The following CIP2A variants were observed in gnomAD, a reference collection of about 807,000 sequenced individuals.
CIP2A encodes the protein cellular inhibitor of PP2A, also known as protein CIP2A.
CIP2A carries 103 observed loss-of-function variants against 110.9 expected under a neutral mutation model. The ratio of observed to expected loss-of-function variants is 0.93; its 90% CI spans 0.79 to 1.09. The LOEUF (loss-of-function observed/expected upper bound fraction) is 1.09. Among genes scored for constraint, CIP2A ranks in the 50% least tolerant of loss-of-function variants. The pLI is 0.00. For missense variants in CIP2A, 1,088 were observed against 1,038.4 expected, an observed-to-expected ratio of 1.05 and a Z score of -0.66; for synonymous variants, 381 against 361.6, an observed-to-expected ratio of 1.05 and a Z score of -0.61.
chr3:108,559,704 G>T, intron 16 of CIP2A, 53 bp downstream of exon 16: 1 of 1,038,446 alleles, frequency 9.6e-7, no homozygotes, highest in Non-Finnish European at 1.4e-6. Flanking sequence ...TATTTTGCAT[G>T]TTTTACTTAT....
intron 19 of CIP2A, 113 bp downstream of exon 19, chr3:108,553,535 A>G: frequency 1.1e-6 from 1 of 927,772 alleles, no homozygotes; most frequent in Non-Finnish European, 1.6e-6. Context: ...CATTCCAAAT[A>G]TGATTTAAAG....
chr3:108,579,358 G>A lies in CIP2A; in HGVS notation c.741C>T (p.Gly247=), dbSNP rs1038909687. 1 of 1,602,994 alleles carries A rather than the reference G, an allele frequency of 6.2e-7. No individual in the cohort carries two copies. Among genetic ancestry groups the A allele is most frequent in the South Asian group, 1.1e-5 (1 of 90,754 alleles). The change falls in exon 7 of 21, where the codon GGC becomes GGT. Residue 247 remains glycine, a synonymous_variant. Transcript: ENST00000295746. ...LIFNILINGD[G]TLTRKYSVDL... ...CAACTGAATACTTTCTAGTTAGAGT[G>A]CCATCACCGTTTATGAGAATATTAA...
chr3:108,553,680 TTCTGTACTTCTTTTC>T lies in CIP2A; in HGVS notation c.2360_2374del (p.Arg787_Gln791del). ...CTTATGTTCTCTGTCTACTAGCTGA[TTCTGTACTTCTTTTC>T]TCTGTTCTTCTTTCTCTATTAATTG... On this transcript the variant is annotated inframe_deletion, in exon 19 of 21. Transcript: ENST00000295746. The T allele has an allele frequency of 6.6e-7, 1 of 1,514,840 alleles. No homozygotes were observed. The highest frequency in any genetic ancestry group is 9.2e-7 in the Non-Finnish European group (1 of 1,091,684). 93.8% of individuals were successfully genotyped at this position (1,514,840 alleles called of 1,614,324 possible). A position where few individuals can be genotyped will look rare whatever the true frequency, so the allele number is the denominator to read the frequency against.
intron 8 of CIP2A, among the ~76,000 whole-genome samples, chr3:108,575,903 C>CGTATATATACACATATACATGAGT (rs1559699776): frequency 1.5e-5 from 2 of 131,148 alleles, no homozygotes; most frequent in African/African-American, 6.0e-5. Flanking sequence ...AGTATATATA[C>CGTATATATACACATATACATGAGT]ATATATACAT....
Position 108,569,424 on chromosome 3 carries a change from C to G in CIP2A, c.1078G>C (p.Val360Leu), listed in dbSNP as rs768546604. ...QPLDGSENCS[V>L]LALELFKEIF... The stretch of plus-strand genomic sequence containing the variant: ...TCCTTGAACAACTCCAATGCTAAAA[C>G]AGAACAGTTTTCTGATCCGTCCAAA... The change falls in exon 9 of 21, where the codon GTT (valine) becomes CTT (leucine). Residue 360 changes from valine (V) to leucine (L), a missense_variant. Coordinates refer to ENST00000295746, the MANE Select transcript of CIP2A (RefSeq NM_020890.3). The G allele has an allele frequency of 6.2e-7, 1 of 1,612,304 alleles. No homozygotes were observed. Among genetic ancestry groups the G allele is most frequent in the Non-Finnish European group, 8.5e-7 (1 of 1,179,118 alleles).
intron 1 of CIP2A, among the ~76,000 whole-genome samples, chr3:108,586,608 G>A (rs1227089712): frequency 1.3e-5 from 2 of 152,052 alleles, no homozygotes; most frequent in Non-Finnish European, 2.9e-5. Context: ...ATCGATCTAG[G>A]CACTTTACAT....
chr3:108,568,039 T>C (rs1364700059), intron 10 of CIP2A, 116 bp downstream of exon 10: 1 of 721,946 alleles, frequency 1.4e-6, no homozygotes, highest in Non-Finnish European at 2.1e-6. Flanking sequence ...TAATTCTAGA[T>C]AAATATGAGC....
rs1937711042 is a variant in CIP2A, at chr3:108,554,416, CTG to C, written c.2282_2283del (p.Thr761SerfsTer6). 6.4e-7 allele frequency: 1 copy of C among 1,559,046 alleles called. No homozygotes were observed. Among genetic ancestry groups the C allele is most frequent in the Non-Finnish European group, 8.8e-7 (1 of 1,135,086 alleles). ...TCDSLNKQIE[T>X]VKKLNESLKE... ...TTGAGTGACTCATTCAACTTTTTCA[CTG>C]TCTCAATTTGTTTATTCAGAGAATC... is the stretch of plus-strand genomic sequence containing the variant. On this transcript the variant is annotated frameshift_variant, in exon 18 of 21. Transcript: ENST00000295746. LOFTEE classifies it high-confidence loss of function.
At chr3:108,559,181 A>G (rs551092739) in intron 16 of CIP2A, among the ~76,000 whole-genome samples, 2 of 152,300 alleles carry the variant, frequency 1.3e-5, no homozygotes, top group East Asian at 1.9e-4. Context: ...ATAGGGCAGA[A>G]AAGAGTAATA....
Position 108,569,426 on chromosome 3 carries a change from G to T in CIP2A, c.1076C>A (p.Ser359Tyr). ...CTTGAACAACTCCAATGCTAAAACA[G>T]AACAGTTTTCTGATCCGTCCAAAGG... The part of the protein sequence containing the change: ...SQPLDGSENC[S>Y]VLALELFKEI... The change falls in exon 9 of 21, where the codon TCT becomes TAT. Residue 359 changes from serine to tyrosine, a missense_variant. Coordinates refer to ENST00000295746, the MANE Select transcript of CIP2A (RefSeq NM_020890.3). The T allele has an allele frequency of 3.1e-6, 5 of 1,612,386 alleles. No homozygotes were observed. The highest frequency in any genetic ancestry group is 4.2e-6 in the Non-Finnish European group (5 of 1,179,100).
chr3:108,569,181 T>TATATATACAC, intron 9 of CIP2A, among the ~76,000 whole-genome samples: 1 of 58,272 alleles, frequency 1.7e-5, no homozygotes. Flanking sequence ...TATATATATA[T>TATATATACAC]ACATACACAC....
chr3:108,588,181 T>A (rs1235626578), intron 1 of CIP2A, among the ~76,000 whole-genome samples: 1 of 152,242 alleles, frequency 6.6e-6, no homozygotes, highest in African/African-American at 2.4e-5. Context: ...CGGACTGCCC[T>A]GCTTATTCTG....
intron 13 of CIP2A, among the ~76,000 whole-genome samples, chr3:108,561,652 G>A (rs1290031672): frequency 2.0e-5 from 3 of 152,174 alleles, no homozygotes; most frequent in Non-Finnish European, 2.9e-5. Context: ...CTGGGTGATA[G>A]AGTGAGACCC....
At chr3:108,569,650 C>A in intron 8 of CIP2A, 43 bp from the exon 9 acceptor site, 1 of 1,402,074 alleles carries the variant, frequency 7.1e-7, no homozygotes, top group Non-Finnish European at 1.0e-6. Flanking sequence ...TTTCACAGAA[C>A]TTTAATATAC....
chr3:108,552,481 A>C (rs544943923), intron 19 of CIP2A, 108 bp from the exon 20 acceptor site: 196 of 581,364 alleles, frequency 3.4e-4, no homozygotes, highest in Non-Finnish European at 4.7e-4. Flanking sequence ...TAGAACAAGG[A>C]AGAGAAACTT....
At position 108,576,315 on chromosome 3, in the gene CIP2A, C is replaced by T. The variant is rs546027952; in HGVS notation, c.850G>A (p.Val284Ile). The change falls in exon 8 of 21, where the codon GTA (valine) becomes ATA (isoleucine). Residue 284 changes from valine (V) to isoleucine (I), a missense_variant. Transcript: ENST00000295746. Reference sequence around the variant, plus strand: ...TCCTTTCCATTAAGAAGACCTAATACTTGGTGAAGACATGAAGAAAAGTGC... The same window carrying T: ...TCCTTTCCATTAAGAAGACCTAATATTTGGTGAAGACATGAAGAAAAGTGC... The part of the protein sequence containing the change: ...YEHFSSCLHQ[V>I]LGLLNGKDPD... The T allele has an allele frequency of 6.4e-7, 1 of 1,562,920 alleles. No homozygotes were observed. Among genetic ancestry groups the T allele is most frequent in the African/African-American group, 1.4e-5 (1 of 72,310 alleles).
chr3:108,583,540 G>T (rs1309996493), intron 2 of CIP2A, among the ~76,000 whole-genome samples: 3 of 152,122 alleles, frequency 2.0e-5, no homozygotes, highest in African/African-American at 7.2e-5. Context: ...AGCTAAAAAA[G>T]TTGATCTCAT....
At chr3:108,583,362 T>C (rs528068873) in intron 2 of CIP2A, among the ~76,000 whole-genome samples, 166 of 152,324 alleles carry the variant, frequency 1.1e-3, no homozygotes, top group Admixed American at 2.8e-3. Context: ...ACTTTGAATA[T>C]TAAAAGATTA....
intron 8 of CIP2A, among the ~76,000 whole-genome samples, chr3:108,570,660 C>T (rs1938364104): frequency 6.6e-6 from 1 of 152,092 alleles, no homozygotes; most frequent in South Asian, 2.1e-4. Flanking sequence ...CTGTATAGGA[C>T]ACTTACCATA....
Sources: allele counts gnomAD v4.1 joint callset (sites outside exome capture counted in the v4.1 genomes callset), GRCh38; gene constraint gnomAD v4.1.1; transcripts MANE v1.5; gene names NCBI Gene and HGNC (gene_info 2026-07-23, HGNC 2026-07-21).